The following WTIP variants were observed in gnomAD, a reference collection of about 807,000 sequenced individuals.
WTIP encodes the protein Wilms tumor protein 1-interacting protein.
A neutral mutation model predicts 41.7 loss-of-function variants in WTIP; 23 were observed. That is an observed-to-expected ratio of 0.55 (90% CI 0.40 to 0.78). The LOEUF (loss-of-function observed/expected upper bound fraction) is 0.78, where lower values mean the gene tolerates loss of function less well. Ranked by LOEUF, WTIP falls within the 30% of genes least tolerant of loss-of-function variation. WTIP has a pLI of 0.00. For missense variants in WTIP, 619 were observed against 610.5 expected, an observed-to-expected ratio of 1.01 and a Z score of -0.15; for synonymous variants, 314 against 269.9, an observed-to-expected ratio of 1.16 and a Z score of -1.60.
rs999831061 is a variant in WTIP, at chr19:34,511,800, G to C, written c.*11531G>C. Reference sequence around the variant, plus strand: ...TGCATTGGCCATGGGCTTCCCTTTTGTGAGTTGCCTGTGAATGTCCTTTTC... The same window carrying C: ...TGCATTGGCCATGGGCTTCCCTTTTCTGAGTTGCCTGTGAATGTCCTTTTC... On this transcript the variant is annotated 3_prime_UTR_variant, in exon 8 of 8. Coordinates refer to ENST00000590071, the MANE Select transcript of WTIP (RefSeq NM_001080436.2). 6.6e-6 allele frequency: 1 copy of C among 152,220 alleles called. No individual in the cohort carries two copies. The highest frequency in any genetic ancestry group is 2.4e-5 in the African/African-American group (1 of 41,446). The allele number at this position is 152,220 out of a possible 1,614,324, so 9.4% of individuals were successfully genotyped here.
intron 2 of WTIP, among the ~76,000 whole-genome samples, chr19:34,492,161 G>A (rs1458476759): frequency 1.4e-5 from 2 of 138,670 alleles, no homozygotes; most frequent in Non-Finnish European, 3.0e-5. Context: ...CATCCAGGCT[G>A]AAGTGCAGTG....
chr19:34,500,486 T>C lies in WTIP; in HGVS notation c.*217T>C, dbSNP rs1490910177. 1.9e-5 allele frequency: 12 copies of C among 622,772 alleles called. No homozygotes were observed. In the East Asian group the frequency reaches 3.3e-4, roughly 17 times the overall value. 38.6% of individuals were successfully genotyped at this position (622,772 alleles called of 1,614,324 possible). ...CGGGCCCTGCCTCCCACCCACCCCA[T>C]CACCAGCTTTCCACTTGGAGGCCCC... is the stretch of plus-strand genomic sequence containing the variant. On this transcript the variant is annotated 3_prime_UTR_variant, in exon 8 of 8. Coordinates refer to ENST00000590071, the MANE Select transcript of WTIP (RefSeq NM_001080436.2).
chr19:34,497,406 AG>A (rs2075860655), intron 7 of WTIP, among the ~76,000 whole-genome samples: 1 of 152,110 alleles, frequency 6.6e-6, no homozygotes, highest in African/African-American at 2.4e-5. Context: ...TAAAGGTGGG[AG>A]GGGAAATCCA....
Position 34,503,585 on chromosome 19 carries a change from TGTG to T in WTIP, c.*3319_*3321del, listed in dbSNP as rs1299053372. ...ACCTGCCCAAGGGGACCCCCACTGATGTGGTCTCTGCTGACACCTGTGCCTGTG... is the reference window on the plus strand; with the variant it reads ...ACCTGCCCAAGGGGACCCCCACTGATGTCTCTGCTGACACCTGTGCCTGTG... On this transcript the variant is annotated 3_prime_UTR_variant, in exon 8 of 8. Transcript: ENST00000590071. 6.5e-6 allele frequency: 1 copy of T among 152,940 alleles called. No individual in the cohort carries two copies. The highest frequency in any genetic ancestry group is 2.4e-5 in the African/African-American group (1 of 41,458). The allele number at this position is 152,940 out of a possible 1,614,324, so 9.5% of individuals were successfully genotyped here.
chr19:34,497,138 C>T (rs540419539), intron 7 of WTIP, among the ~76,000 whole-genome samples: 1 of 152,264 alleles, frequency 6.6e-6, no homozygotes, highest in East Asian at 1.9e-4. Context: ...GCTAGGATTA[C>T]AGGCTTGAGC....
At chr19:34,487,102 CTTTTTTTTTT>C (rs34893888) in intron 1 of WTIP, among the ~76,000 whole-genome samples, 2 of 96,730 alleles carry the variant, frequency 2.1e-5, no homozygotes, top group African/African-American at 5.1e-5. Flanking sequence ...TCCCTGCCTG[CTTTTTTTTTT>C]TTTTTTTTTT....
intron 1 of WTIP, among the ~76,000 whole-genome samples, chr19:34,487,102 C>CT (rs34893888): frequency 0.088 from 8,548 of 96,730 alleles, 902 homozygotes; most frequent in East Asian, 0.41. Flanking sequence ...TCCCTGCCTG[C>CT]TTTTTTTTTT....
chr19:34,489,730 C>T (rs777151107), intron 1 of WTIP, among the ~76,000 whole-genome samples: 7 of 152,124 alleles, frequency 4.6e-5, no homozygotes, highest in Non-Finnish European at 8.8e-5. Context: ...ATTGTTTGAG[C>T]CCACCCTGGG....
intron 6 of WTIP, among the ~76,000 whole-genome samples, chr19:34,495,388 C>T (rs980493463): frequency 6.6e-6 from 1 of 151,850 alleles, no homozygotes. Flanking sequence ...CAGAGAGAGA[C>T]CCTGTCTCTT....
rs1445107371 is a variant in WTIP, at chr19:34,493,570, C to G, written c.979C>G (p.Pro327Ala). ...SVCNECLDGV[P>A]FTVDVENNIY... is the part of the protein sequence containing the mutation. ...GTGCAATGAGTGCCTGGACGGGGTT[C>G]CCTTCACCGTGGACGTGGAGAACAA... The change falls in exon 5 of 8, where the codon CCC (proline) becomes GCC (alanine). Residue 327 changes from proline (P) to alanine (A), a missense_variant. Around this residue, in one of 3 missense-constraint regions of WTIP, gnomAD observed 164 missense variants for 219.1 expected, o/e 0.75. Coordinates refer to ENST00000590071, the MANE Select transcript of WTIP (RefSeq NM_001080436.2). This position sits in a 1 kb window ranked among gnomAD's most constrained non-coding sequence, Gnocchi z 4.1. 1.2e-6 allele frequency: 2 copies of G among 1,613,698 alleles called. No individual in the cohort carries two copies. Among genetic ancestry groups the G allele is most frequent in the East Asian group, 2.2e-5 (1 of 44,872 alleles).
In WTIP at chr19:34,508,240, A is replaced by AT. The variant is rs1291093056; in HGVS notation, c.*7977dup. 1 of 151,912 alleles carries AT rather than the reference A, an allele frequency of 6.6e-6. No homozygotes were observed. The highest frequency in any genetic ancestry group is 1.9e-4 in the East Asian group (1 of 5,168). The allele number at this position is 151,912 out of a possible 1,614,324, so 9.4% of individuals were successfully genotyped here. On this transcript the variant is annotated 3_prime_UTR_variant, in exon 8 of 8. Transcript: ENST00000590071. Reference sequence around the variant, plus strand: ...AGGCACCTGCCATCACTCCCAGCTAATTTTTTATATTTTTAGTGAATACAG... The same window carrying AT: ...AGGCACCTGCCATCACTCCCAGCTAATTTTTTTATATTTTTAGTGAATACAG...
intron 6 of WTIP, among the ~76,000 whole-genome samples, chr19:34,495,353 C>T (rs1281613424): frequency 2.0e-5 from 3 of 152,022 alleles, no homozygotes; most frequent in Admixed American, 6.5e-5. Context: ...GCTGTGATTG[C>T]ACCACTGCAC....
At chr19:34,494,726 A>G (rs1214993295) in intron 6 of WTIP, 89 bp downstream of exon 6, 1 of 1,370,274 alleles carries the variant, frequency 7.3e-7, no homozygotes, top group Non-Finnish European at 1.0e-6. Context: ...GTCTTGGGCG[A>G]CAGTGGGAGG....
At position 34,503,130 on chromosome 19, in the gene WTIP, C is replaced by T. The variant is rs1405810028; in HGVS notation, c.*2861C>T. ...CCCCCAACCCCACCCAAGTAACACA[C>T]TTTGTCAAAGGTCGCAGTCAAGGGA... On this transcript the variant is annotated 3_prime_UTR_variant, in exon 8 of 8. Coordinates refer to ENST00000590071, the MANE Select transcript of WTIP (RefSeq NM_001080436.2). 6.6e-6 allele frequency: 1 copy of T among 152,582 alleles called. No homozygotes were observed. Among genetic ancestry groups the T allele is most frequent in the Admixed American group, 6.5e-5 (1 of 15,290 alleles). 9.5% of individuals were successfully genotyped at this position (152,582 alleles called of 1,614,324 possible). A position where few individuals can be genotyped will look rare whatever the true frequency, so the allele number is the denominator to read the frequency against.
intron 7 of WTIP, 132 bp from the exon 8 acceptor site, chr19:34,499,997 G>C: frequency 7.5e-7 from 1 of 1,329,386 alleles, no homozygotes; most frequent in Non-Finnish European, 1.0e-6. Flanking sequence ...CCCTGCGCCC[G>C]GCGGAAGAGT....
chr19:34,492,587 G>A (rs2075831037), intron 2 of WTIP, among the ~76,000 whole-genome samples: 1 of 151,316 alleles, frequency 6.6e-6, no homozygotes, highest in Non-Finnish European at 1.5e-5. Flanking sequence ...TACTTGGGAG[G>A]GTGAGGCAGG....
At chr19:34,490,576 C>A (rs1443375641) in intron 2 of WTIP, 99 bp downstream of exon 2, 30 of 1,248,498 alleles carry the variant, frequency 2.4e-5, no homozygotes, top group Non-Finnish European at 3.3e-5. Flanking sequence ...GGCAGATGGA[C>A]CACCTGGCTC....
chr19:34,494,727 C>A, intron 6 of WTIP, 90 bp downstream of exon 6: 1 of 1,354,158 alleles, frequency 7.4e-7, no homozygotes, highest in Non-Finnish European at 1.0e-6. Context: ...TCTTGGGCGA[C>A]AGTGGGAGGG....
intron 1 of WTIP, among the ~76,000 whole-genome samples, chr19:34,486,570 T>C (rs976517104): frequency 2.0e-5 from 3 of 152,232 alleles, no homozygotes; most frequent in East Asian, 1.9e-4. Context: ...GGTTTCACTG[T>C]GTTAACCAGG....
Sources: gnomAD v4.1 joint callset for allele counts (sites outside exome capture counted in the v4.1 genomes callset) on GRCh38, gnomAD v4.1.1 for gene constraint, gnomAD v4.1.1 regional missense constraint, Gnocchi (gnomAD v3.1) non-coding constraint, MANE v1.5 for transcripts, NCBI Gene and HGNC (gene_info 2026-07-23, HGNC 2026-07-21) for gene names.